Variants in BARD1 observed in about 807,000 individuals in gnomAD.
BARD1 encodes the protein BRCA1-associated RING domain protein 1.
Under a neutral mutation model 77.0 loss-of-function variants are expected in BARD1, and 73 were observed. That is an observed-to-expected ratio of 0.95 (90% confidence interval 0.79 to 1.15). The LOEUF (loss-of-function observed/expected upper bound fraction) is 1.15, where lower values mean the gene tolerates loss of function less well. Among genes scored for constraint, BARD1 ranks in the 50% most tolerant of loss-of-function variants. The pLI is 0.00. For synonymous variants in BARD1, 384 were observed against 338.0 expected, an observed-to-expected ratio of 1.14 and a Z score of -1.49; for missense variants, 993 against 938.8, an observed-to-expected ratio of 1.06 and a Z score of -0.75.
chr2:214,752,863 T>C (rs1190860729), intron 6 of BARD1, among the ~76,000 whole-genome samples: 1 of 152,172 alleles, frequency 6.6e-6, no homozygotes, highest in East Asian at 1.9e-4. Context: ...TGACAGACTT[T>C]CAAATGCCAA....
chr2:214,775,197 T>C (rs1694686317), intron 4 of BARD1, among the ~76,000 whole-genome samples: 1 of 152,242 alleles, frequency 6.6e-6, no homozygotes, highest in East Asian at 1.9e-4. Context: ...GACCTAGCTT[T>C]TGGCCTATCT....
At chr2:214,758,156 A>G (rs1225306610) in intron 6 of BARD1, among the ~76,000 whole-genome samples, 1 of 152,182 alleles carries the variant, frequency 6.6e-6, no homozygotes, top group Non-Finnish European at 1.5e-5. Flanking sequence ...ATGGTAGTTA[A>G]GAGTTGGGGT....
intron 3 of BARD1, among the ~76,000 whole-genome samples, chr2:214,785,889 C>A (rs1166976654): frequency 6.6e-6 from 1 of 151,842 alleles, no homozygotes; most frequent in African/African-American, 2.4e-5. Flanking sequence ...AGGCTTCTTA[C>A]AATATGTTTT....
chr2:214,754,910 G>T (rs1184432174), intron 6 of BARD1, among the ~76,000 whole-genome samples: 1 of 152,212 alleles, frequency 6.6e-6, no homozygotes, highest in East Asian at 1.9e-4. Flanking sequence ...GCTTTGTCAT[G>T]AACCATTAAA....
intron 7 of BARD1, among the ~76,000 whole-genome samples, chr2:214,749,767 A>C (rs1282209671): frequency 7.5e-6 from 1 of 133,654 alleles, no homozygotes; most frequent in Non-Finnish European, 1.6e-5. Flanking sequence ...GTCCATTAAT[A>C]AAGAAAAAAA....
intron 6 of BARD1, among the ~76,000 whole-genome samples, chr2:214,763,795 A>G (rs576935610): frequency 1.3e-5 from 2 of 152,204 alleles, no homozygotes; most frequent in Non-Finnish European, 2.9e-5. Context: ...TAAGAGCTTC[A>G]GGAAGAAATA....
intron 7 of BARD1, among the ~76,000 whole-genome samples, chr2:214,749,532 C>A (rs896050059): frequency 1.3e-5 from 2 of 152,116 alleles, no homozygotes; most frequent in East Asian, 3.9e-4. Context: ...ACTGCCACCC[C>A]CAGACTCCAA....
chr2:214,806,850 G>A (rs1168004379), intron 1 of BARD1, among the ~76,000 whole-genome samples: 1 of 144,302 alleles, frequency 6.9e-6, no homozygotes, highest in African/African-American at 2.6e-5. Flanking sequence ...CTCCAGCTTG[G>A]GTGACAGAGT....
At chr2:214,769,334 A>T in intron 4 of BARD1, 22 bp from the exon 5 acceptor site, 1 of 1,574,252 alleles carries the variant, frequency 6.4e-7, no homozygotes, top group South Asian at 1.1e-5. Context: ...AACAAAACGG[A>T]AATTAAAAAG....
chr2:214,762,789 C>T (rs1694020980), intron 6 of BARD1, among the ~76,000 whole-genome samples: 1 of 152,170 alleles, frequency 6.6e-6, no homozygotes, highest in Non-Finnish European at 1.5e-5. Context: ...TACCCAACTT[C>T]AAAACATCCT....
chr2:214,809,265 T>TATA, intron 1 of BARD1, 147 bp downstream of exon 1: 1 of 1,107,292 alleles, frequency 9.0e-7, no homozygotes, highest in Non-Finnish European at 1.3e-6. Context: ...GTTAATACTA[T>TATA]ATCCCCCGGC....
intron 6 of BARD1, among the ~76,000 whole-genome samples, chr2:214,752,770 A>G (rs796893095): frequency 8.5e-5 from 13 of 152,302 alleles, no homozygotes; most frequent in African/African-American, 3.1e-4. Flanking sequence ...TTTACTGAAT[A>G]TAGTATTATG....
At chr2:214,749,180 C>G (rs1469492696) in intron 7 of BARD1, among the ~76,000 whole-genome samples, 1 of 109,344 alleles carries the variant, frequency 9.1e-6, no homozygotes, top group East Asian at 3.0e-4. Flanking sequence ...CATCTAGTTC[C>G]TGGAAAAAAA....
chr2:214,753,645 T>C (rs1693560104), intron 6 of BARD1, among the ~76,000 whole-genome samples: 1 of 152,164 alleles, frequency 6.6e-6, no homozygotes, highest in South Asian at 2.1e-4. Flanking sequence ...TTCCGTTTGA[T>C]GCTGCAGAGA....
intron 3 of BARD1, among the ~76,000 whole-genome samples, chr2:214,783,086 T>C (rs1695113762): frequency 6.6e-6 from 1 of 152,136 alleles, no homozygotes; most frequent in Non-Finnish European, 1.5e-5. Flanking sequence ...GATACCAAAA[T>C]ACCCACACAC....
chr2:214,732,119 C>T (rs1030200752), intron 9 of BARD1, among the ~76,000 whole-genome samples: 11 of 152,154 alleles, frequency 7.2e-5, no homozygotes, highest in Non-Finnish European at 1.6e-4. Flanking sequence ...GGATATACTA[C>T]AGTGTTTTGG....
chr2:214,751,428 G>T (rs1693447731), intron 7 of BARD1, among the ~76,000 whole-genome samples: 1 of 151,520 alleles, frequency 6.6e-6, no homozygotes, highest in Non-Finnish European at 1.5e-5. Context: ...CTCCCAAAGT[G>T]CTGGGATTAC....
chr2:214,799,844 C>G (rs1695937138), intron 1 of BARD1, among the ~76,000 whole-genome samples: 1 of 152,202 alleles, frequency 6.6e-6, no homozygotes, highest in Non-Finnish European at 1.5e-5. Context: ...AGCTTTAACT[C>G]CCTCCACTCT....
intron 6 of BARD1, among the ~76,000 whole-genome samples, chr2:214,758,305 G>A (rs1693794534): frequency 6.6e-6 from 1 of 152,150 alleles, no homozygotes; most frequent in South Asian, 2.1e-4. Context: ...TTACAGGATT[G>A]TTGCCAGAAT....
Sources: allele counts gnomAD v4.1 joint callset (sites outside exome capture counted in the v4.1 genomes callset), GRCh38; gene constraint gnomAD v4.1.1; transcripts MANE v1.5; gene names NCBI Gene and HGNC (gene_info 2026-07-23, HGNC 2026-07-21).